SRBD1: variants seen among roughly 807,000 people sequenced by gnomAD.
SRBD1 encodes S1 RNA-binding domain-containing protein 1.
A neutral mutation model predicts 115.3 loss-of-function variants in SRBD1; 88 were observed. That is an observed-to-expected ratio of 0.76 (90% confidence interval 0.64 to 0.91). SRBD1 has a LOEUF of 0.91. Ranked by LOEUF, SRBD1 falls within the 40% of genes least tolerant of loss-of-function variation. The pLI is 0.00. For synonymous variants in SRBD1, 509 were observed against 407.7 expected (o/e 1.25, Z -2.99); for missense variants, 1,385 against 1,177.4 (o/e 1.18, Z -2.58).
intron 4 of SRBD1, among the ~76,000 whole-genome samples, chr2:45,597,262 T>C (rs988175666): frequency 1.3e-5 from 2 of 151,812 alleles, no homozygotes; most frequent in African/African-American, 4.8e-5. Flanking sequence ...CTACTAAAAA[T>C]ACAAAAAATT....
intron 16 of SRBD1, among the ~76,000 whole-genome samples, chr2:45,438,891 T>A (rs996740802): frequency 6.6e-6 from 1 of 151,998 alleles, no homozygotes; most frequent in African/African-American, 2.4e-5. Context: ...CAGTGAACCC[T>A]AAGAAGGACA....
chr2:45,434,677 C>T (rs1431909571), intron 16 of SRBD1, among the ~76,000 whole-genome samples: 3 of 152,112 alleles, frequency 2.0e-5, no homozygotes, highest in African/African-American at 7.2e-5. Context: ...CTCCAGTTGA[C>T]TTAAACTTTT....
At chr2:45,400,451 G>A (rs1667263023) in intron 19 of SRBD1, among the ~76,000 whole-genome samples, 1 of 152,020 alleles carries the variant, frequency 6.6e-6, no homozygotes, top group South Asian at 2.1e-4. Context: ...CCTTCATTGG[G>A]TACTAATAGG....
At chr2:45,483,635 C>A (rs1670030561) in intron 15 of SRBD1, among the ~76,000 whole-genome samples, 2 of 152,038 alleles carry the variant, frequency 1.3e-5, no homozygotes, top group Admixed American at 6.6e-5. Flanking sequence ...TTGTCTCATC[C>A]TGTTATCTAG....
At chr2:45,484,205 G>C (rs1450667054) in intron 15 of SRBD1, among the ~76,000 whole-genome samples, 1 of 151,970 alleles carries the variant, frequency 6.6e-6, no homozygotes, top group Non-Finnish European at 1.5e-5. Flanking sequence ...TGTCCACCAG[G>C]GGCAGGATGC....
intron 19 of SRBD1, among the ~76,000 whole-genome samples, chr2:45,411,492 G>C (rs944701625): frequency 3.9e-5 from 6 of 152,136 alleles, no homozygotes; most frequent in Non-Finnish European, 5.9e-5. Flanking sequence ...GTATGGTAGA[G>C]GGAGAAAACT....
chr2:45,574,666 A>G lies in SRBD1; in HGVS notation c.1130T>C (p.Ile377Thr). Residue 377 changes from isoleucine to threonine, a missense_variant, in exon 8 of 21, where the codon ATT (isoleucine) becomes ACT (threonine). By Grantham distance (89) the Ile-to-Thr change is moderately conservative. Coordinates refer to ENST00000263736, the MANE Select transcript of SRBD1 (RefSeq NM_018079.5). The stretch of plus-strand genomic sequence containing the variant: ...GTCAAGCGTGTCTTTGTCTTTAGCA[A>G]TCATATCTGCTAAAATATGCTGCAC... ...IGVQHILADM[I>T]AKDKDTLDFI... is the part of the protein sequence containing the mutation. The G allele has an allele frequency of 6.2e-7, 1 of 1,613,860 alleles. No homozygotes were observed. Among genetic ancestry groups the G allele is most frequent in the Non-Finnish European group, 8.5e-7 (1 of 1,179,886 alleles).
chr2:45,526,931 A>G (rs1327252038), intron 14 of SRBD1, among the ~76,000 whole-genome samples: 1 of 151,920 alleles, frequency 6.6e-6, no homozygotes, highest in Admixed American at 6.6e-5. Flanking sequence ...AAAAGAAGGG[A>G]CAGCCAGGGA....
At chr2:45,541,136 G>A (rs1486146811) in intron 14 of SRBD1, among the ~76,000 whole-genome samples, 1 of 152,242 alleles carries the variant, frequency 6.6e-6, no homozygotes, top group Non-Finnish European at 1.5e-5. Flanking sequence ...CGGCCACTGT[G>A]CAGAGCTAGG....
chr2:45,411,239 T>C (rs1007070865), intron 19 of SRBD1, among the ~76,000 whole-genome samples: 1 of 152,208 alleles, frequency 6.6e-6, no homozygotes, highest in African/African-American at 2.4e-5. Context: ...GAGAAATCCC[T>C]ACATATTTTG....
In SRBD1 at chr2:45,589,404, A is replaced by G. The variant is rs530756940; in HGVS notation, c.649-3630T>C. ...AAGATCTCCCTGAGGTAACCAAGGG[A>G]GGCCTGCTGAAGGAATAGCATTTTG... On this transcript the variant is annotated intron_variant, in intron 4 of 20. Transcript: ENST00000263736. Among the ~76,000 whole-genome samples the G allele has an allele frequency of 2.6e-5, 4 of 152,328 alleles. No homozygotes were observed. The East Asian group carries it at 7.7e-4, about 29-fold the overall frequency.
chr2:45,426,345 C>A (rs1033222842), intron 16 of SRBD1, among the ~76,000 whole-genome samples: 1 of 152,222 alleles, frequency 6.6e-6, no homozygotes, highest in Non-Finnish European at 1.5e-5. Context: ...AGGCAGCAGG[C>A]CCAGTCAGGG....
At chr2:45,418,298 G>A in intron 18 of SRBD1, 67 bp downstream of exon 18, 7 of 1,558,096 alleles carry the variant, frequency 4.5e-6, no homozygotes, top group Non-Finnish European at 5.2e-6. Flanking sequence ...ACTAATCAGT[G>A]GTAGGATAGG....
intron 9 of SRBD1, among the ~76,000 whole-genome samples, chr2:45,571,308 G>T (rs933054829): frequency 6.6e-6 from 1 of 151,574 alleles, no homozygotes; most frequent in African/African-American, 2.4e-5. Context: ...CAGGCATTTA[G>T]GGGAATCTCT....
At position 45,418,492 on chromosome 2, in the gene SRBD1, G is replaced by T. The variant is rs776807189; in HGVS notation, c.2206C>A (p.Arg736=). ...ANRAKNIIEW[R]EKNGPFINRE... Reference sequence around the variant, plus strand: ...TTGATAAAGGGTCCATTTTTCTCTCGCCATTCAATAATATTTTTGGCCCTG... The same window carrying T: ...TTGATAAAGGGTCCATTTTTCTCTCTCCATTCAATAATATTTTTGGCCCTG... Residue 736 remains arginine, a synonymous_variant, in exon 18 of 21, where the codon CGA becomes AGA. Coordinates refer to ENST00000263736, the MANE Select transcript of SRBD1 (RefSeq NM_018079.5). 6.2e-7 allele frequency: 1 copy of T among 1,612,800 alleles called. No individual in the cohort carries two copies. Among genetic ancestry groups the T allele is most frequent in the African/African-American group, 1.3e-5 (1 of 74,522 alleles).
chr2:45,591,683 G>A (rs1033882991), intron 4 of SRBD1, among the ~76,000 whole-genome samples: 2 of 152,186 alleles, frequency 1.3e-5, no homozygotes, highest in Non-Finnish European at 2.9e-5. Context: ...AGACAGGCAT[G>A]AGCATGGCAG....
At chr2:45,433,004 GACTACAGT>G (rs1203118180) in intron 16 of SRBD1, among the ~76,000 whole-genome samples, 2 of 152,046 alleles carry the variant, frequency 1.3e-5, no homozygotes, top group Non-Finnish European at 2.9e-5. Flanking sequence ...AAACACTGTG[GACTACAGT>G]TTCTAGAACA....
chr2:45,406,449 C>G (rs1667439707), intron 19 of SRBD1, among the ~76,000 whole-genome samples: 1 of 152,050 alleles, frequency 6.6e-6, no homozygotes, highest in Non-Finnish European at 1.5e-5. Flanking sequence ...TAGAGCAATA[C>G]TCTAAATCCC....
At chr2:45,537,562 T>A (rs1016196010) in intron 14 of SRBD1, among the ~76,000 whole-genome samples, 3 of 152,166 alleles carry the variant, frequency 2.0e-5, no homozygotes, top group African/African-American at 7.2e-5. Context: ...AGCTAAAGCA[T>A]CAAAGGCCTG....
Sources: gnomAD v4.1 joint callset for allele counts (sites outside exome capture counted in the v4.1 genomes callset) on GRCh38, gnomAD v4.1.1 for gene constraint, MANE v1.5 for transcripts, NCBI Gene and HGNC (gene_info 2026-07-23, HGNC 2026-07-21) for gene names.